UBR3: variants seen among roughly 807,000 people sequenced by gnomAD.
The protein encoded by UBR3 is E3 ubiquitin-protein ligase UBR3.
In UBR3, 85 loss-of-function variants were observed where a neutral mutation model predicts 243.2. The ratio of observed to expected loss-of-function variants is 0.35; its 90% CI spans 0.29 to 0.42. UBR3 has a LOEUF of 0.42. UBR3 is among the 10% of genes least tolerant of loss of function. The pLI, the probability that UBR3 is intolerant of heterozygous loss-of-function variation, is 1.00. For missense variants in UBR3, 1,686 were observed against 2,300.8 expected, an observed-to-expected ratio of 0.73 and a Z score of 5.47; for synonymous variants, 748 against 799.8, an observed-to-expected ratio of 0.94 and a Z score of 1.09.
chr2:169,832,963 G>C (rs2081985734), intron 1 of UBR3, among the ~76,000 whole-genome samples: 1 of 151,996 alleles, frequency 6.6e-6, no homozygotes, highest in South Asian at 2.1e-4. Context: ...ATGGGTGGAT[G>C]AACTCAAAAC....
chr2:170,029,607 T>A (rs1039539124), intron 31 of UBR3, among the ~76,000 whole-genome samples, 159 bp downstream of exon 31: 1 of 152,110 alleles, frequency 6.6e-6, no homozygotes, highest in Non-Finnish European at 1.5e-5. Context: ...TTTACCATTA[T>A]GCTGTCTGTA....
intron 26 of UBR3, among the ~76,000 whole-genome samples, chr2:169,996,069 GAAGTGGAAGAAATTAGTAAGAT>G (rs751324928): frequency 2.0e-5 from 3 of 152,208 alleles, no homozygotes; most frequent in Non-Finnish European, 2.9e-5. Context: ...TCCATTGGTT[GAAGTGGAAGAAATTAGTAAGAT>G]AAGTGGAAGA....
chr2:170,036,843 A>G (rs1025117117), intron 31 of UBR3, among the ~76,000 whole-genome samples: 2 of 152,092 alleles, frequency 1.3e-5, no homozygotes, highest in Non-Finnish European at 2.9e-5. Flanking sequence ...TTAAATTTTC[A>G]TGTAGCCAGA....
chr2:170,072,329 A>C (rs894327948), intron 35 of UBR3, among the ~76,000 whole-genome samples: 3 of 151,986 alleles, frequency 2.0e-5, no homozygotes, highest in Non-Finnish European at 4.4e-5. Context: ...AGAACAAAAA[A>C]CCAAACACCG....
At chr2:169,950,827 T>C (rs2086990053) in intron 23 of UBR3, among the ~76,000 whole-genome samples, 1 of 151,792 alleles carries the variant, frequency 6.6e-6, no homozygotes, top group Non-Finnish European at 1.5e-5. Context: ...ACAAGGTGAA[T>C]CTTGAGAGAT....
chr2:169,872,778 G>C (rs1224885730), intron 2 of UBR3, among the ~76,000 whole-genome samples: 1 of 151,850 alleles, frequency 6.6e-6, no homozygotes, highest in Admixed American at 6.6e-5. Flanking sequence ...TTAGAAGTCT[G>C]TATATATTTT....
intron 25 of UBR3, among the ~76,000 whole-genome samples, chr2:169,987,711 TC>T (rs1429730593): frequency 6.6e-6 from 1 of 152,008 alleles, no homozygotes; most frequent in Non-Finnish European, 1.5e-5. Context: ...TTAATCCTTT[TC>T]CAACAAGAGT....
At chr2:169,967,976 A>G in intron 24 of UBR3, among the ~76,000 whole-genome samples, 1 of 151,850 alleles carries the variant, frequency 6.6e-6, no homozygotes, top group East Asian at 1.9e-4. Context: ...ACATATGTAC[A>G]CTTTCCCTAC....
intron 32 of UBR3, among the ~76,000 whole-genome samples, 170 bp from the exon 33 acceptor site, chr2:170,055,290 C>G (rs1290374821): frequency 6.6e-6 from 1 of 152,190 alleles, no homozygotes; most frequent in Non-Finnish European, 1.5e-5. Context: ...CCAGGCACCA[C>G]ACTGCCTGGG....
At chr2:169,890,525 G>GGAGAGAGAGAGAGAGAGAGAGAGAGA (rs781214598) in intron 5 of UBR3, among the ~76,000 whole-genome samples, 1 of 67,878 alleles carries the variant, frequency 1.5e-5, no homozygotes, top group African/African-American at 6.5e-5. Context: ...GGTTTTTCTA[G>GGAGAGAGAGAGAGAGAGAGAGAGAGA]GAGAGAGAGA....
At chr2:169,881,864 T>TATGTATACATATACGTATATGTGTAC (rs2083856979) in intron 5 of UBR3, among the ~76,000 whole-genome samples, 1 of 133,194 alleles carries the variant, frequency 7.5e-6, no homozygotes, top group Non-Finnish European at 1.6e-5. Flanking sequence ...TATATGTGTA[T>TATGTATACATATACGTATATGTGTAC]ATGTATACAT....
intron 20 of UBR3, 145 bp downstream of exon 20, chr2:169,942,779 C>T (rs892480183): frequency 3.6e-6 from 3 of 842,114 alleles, no homozygotes; most frequent in Admixed American, 3.7e-5. Flanking sequence ...GTTATAATCA[C>T]ATGTATTTGA....
chr2:169,835,543 C>T lies in UBR3; in HGVS notation c.545+7491C>T, dbSNP rs141867063. 5.9e-3 allele frequency among the ~76,000 whole-genome samples: 902 copies of T among 152,200 alleles called. 9 individuals carry two copies. The highest frequency in any genetic ancestry group is 0.02 in the African/African-American group (846 of 41,512). On this transcript the variant is annotated intron_variant, in intron 1 of 38. Transcript: ENST00000272793. Reference sequence around the variant, plus strand: ...GCAACCTCTGCCTCCTGAGTTCAAGCGGTTCTCCTGTCTCAGCCTCCCTAG... The same window carrying T: ...GCAACCTCTGCCTCCTGAGTTCAAGTGGTTCTCCTGTCTCAGCCTCCCTAG...
chr2:169,924,870 T>C (rs1179497643), intron 13 of UBR3, among the ~76,000 whole-genome samples: 1 of 152,030 alleles, frequency 6.6e-6, no homozygotes, highest in African/African-American at 2.4e-5. Context: ...TTGTCTCTAC[T>C]GAATATACAA....
chr2:169,964,508 G>C (rs1294968024), intron 24 of UBR3: 1 of 460,866 alleles, frequency 2.2e-6, no homozygotes, highest in African/African-American at 2.0e-5. Context: ...GGAAACTGGA[G>C]GGAAGGAGGA....
intron 27 of UBR3, among the ~76,000 whole-genome samples, chr2:170,006,005 G>C (rs1348869405): frequency 6.6e-6 from 1 of 152,070 alleles, no homozygotes; most frequent in Non-Finnish European, 1.5e-5. Context: ...AGGGTTTCTG[G>C]GGGTGCTTCA....
chr2:169,909,185 A>G (rs972281010), intron 10 of UBR3, among the ~76,000 whole-genome samples: 1 of 152,152 alleles, frequency 6.6e-6, no homozygotes, highest in Non-Finnish European at 1.5e-5. Context: ...GGAGTTGGAG[A>G]GATAGGCAGA....
At chr2:169,872,836 T>C (rs1025340548) in intron 2 of UBR3, among the ~76,000 whole-genome samples, 2 of 152,058 alleles carry the variant, frequency 1.3e-5, no homozygotes, top group Non-Finnish European at 2.9e-5. Context: ...GTCAAATTGC[T>C]GACTTCCAGA....
At position 170,036,920 on chromosome 2, in the gene UBR3, A is replaced by G. The variant is rs79339249; in HGVS notation, c.4557-3962A>G. On this transcript the variant is annotated intron_variant, in intron 31 of 38. Coordinates refer to ENST00000272793, the MANE Select transcript of UBR3 (RefSeq NM_172070.4). ...ATACTTAGAATGCCCATGTCTTCCA[A>G]GAGCTGATGTATACTTTTATAACTA... Among the ~76,000 whole-genome samples the G allele has an allele frequency of 4.5e-4, 68 of 152,224 alleles. No individual in the cohort carries two copies. The East Asian group carries it at 0.011, about 24-fold the overall frequency.
Sources: gnomAD v4.1 joint callset for allele counts (sites outside exome capture counted in the v4.1 genomes callset) on GRCh38, gnomAD v4.1.1 for gene constraint, MANE v1.5 for transcripts, NCBI Gene and HGNC (gene_info 2026-07-23, HGNC 2026-07-21) for gene names.